TALDO1: variants seen among roughly 807,000 people sequenced by gnomAD.
The protein encoded by TALDO1 is transaldolase 1.
TALDO1 carries 29 observed loss-of-function variants against 38.1 expected under a neutral mutation model. That is an observed-to-expected ratio of 0.76 (90% CI 0.57 to 1.04). The LOEUF (loss-of-function observed/expected upper bound fraction) is 1.04. Ranked by LOEUF, TALDO1 falls within the 50% of genes least tolerant of loss-of-function variation. The pLI is 0.00. For missense variants in TALDO1, 499 were observed against 438.1 expected (o/e 1.14, Z -1.24); for synonymous variants, 207 against 176.8 (o/e 1.17, Z -1.36).
At position 760,224 on chromosome 11, in the gene TALDO1, A is replaced by G. The variant is rs764070790; in HGVS notation, c.432A>G (p.Ser144=). The change falls in exon 4 of 8, where the codon TCA becomes TCG. Residue 144 remains serine (S), a synonymous_variant. Transcript: ENST00000319006. ...ISKDRILIKL[S]STWEGIQAGK... ...AGGACCGAATTCTTATAAAGCTGTC[A>G]TCAACCTGGGAAGGAATTCAGGCTG... is the stretch of plus-strand genomic sequence containing the variant. The G allele has an allele frequency of 6.2e-6, 10 of 1,614,204 alleles. No individual in the cohort carries two copies. Among genetic ancestry groups the G allele is most frequent in the Middle Eastern group, 1.6e-4 (1 of 6,062 alleles).
In TALDO1 at chr11:760,140, T is replaced by TG; in HGVS notation, c.349dup (p.Ala117GlyfsTer79). The TG allele has an allele frequency of 6.2e-7, 1 of 1,614,084 alleles. No homozygotes were observed. The highest frequency in any genetic ancestry group is 8.5e-7 in the Non-Finnish European group (1 of 1,180,000). ...CCTACAGGCTCTCCTTTGATAAAGA[T>TG]GCGATGGTGGCCAGAGCCAGGCGGC... On this transcript the variant is annotated frameshift_variant, in exon 4 of 8. Transcript: ENST00000319006. LOFTEE classifies it high-confidence loss of function.
intron 5 of TALDO1, 57 bp downstream of exon 5, chr11:763,576 C>T (rs1862992997): frequency 7.5e-6 from 12 of 1,605,998 alleles, no homozygotes; most frequent in Non-Finnish European, 1.0e-5. Context: ...GCACCTCAGG[C>T]AGGAAGAGCC....
chr11:760,172 A>G lies in TALDO1; in HGVS notation c.380A>G (p.Glu127Gly), dbSNP rs1172198949. 1.9e-6 allele frequency: 3 copies of G among 1,614,214 alleles called. No homozygotes were observed. The Admixed American group carries it at 5.0e-5, about 27-fold the overall frequency. The change falls in exon 4 of 8, where the codon GAG becomes GGG. Residue 127 changes from glutamate (E) to glycine (G), a missense_variant. Transcript: ENST00000319006. Reference protein sequence around the residue: ...AMVARARRLIELYKEAGISKD... With the variant: ...AMVARARRLIGLYKEAGISKD... ...GTGGCCAGAGCCAGGCGGCTCATCG[A>G]GCTCTACAAGGAAGCTGGGATCAGC...
intron 1 of TALDO1, among the ~76,000 whole-genome samples, chr11:749,788 T>A (rs1425476486): frequency 6.6e-6 from 1 of 152,222 alleles, no homozygotes; most frequent in Non-Finnish European, 1.5e-5. Context: ...AAATGGGCTG[T>A]TTTCAGTGCC....
At chr11:757,319 G>C (rs948209441) in intron 2 of TALDO1, among the ~76,000 whole-genome samples, 1 of 142,632 alleles carries the variant, frequency 7.0e-6, no homozygotes, top group Non-Finnish European at 1.5e-5. Flanking sequence ...TTGAGATAGA[G>C]TTTGGCTCTG....
At chr11:762,264 G>T (rs1387178046) in intron 4 of TALDO1, among the ~76,000 whole-genome samples, 1 of 152,058 alleles carries the variant, frequency 6.6e-6, no homozygotes, top group Non-Finnish European at 1.5e-5. Flanking sequence ...GCACCTGGCC[G>T]GACCATTTGT....
intron 1 of TALDO1, among the ~76,000 whole-genome samples, chr11:750,331 G>GA (rs900002063): frequency 2.7e-5 from 4 of 150,232 alleles, no homozygotes; most frequent in East Asian, 2.0e-4. Flanking sequence ...CAAAAAGGAA[G>GA]AAAAAAAAAT....
intron 4 of TALDO1, chr11:760,466 G>C: frequency 3.0e-6 from 2 of 663,392 alleles, no homozygotes; most frequent in South Asian, 3.7e-5. Flanking sequence ...TCAGAAATGA[G>C]GGATTTCCCA....
At chr11:764,699 CA>C in intron 7 of TALDO1, 113 bp from the exon 8 acceptor site, 2 of 1,547,868 alleles carry the variant, frequency 1.3e-6, no homozygotes, top group Non-Finnish European at 1.8e-6. Flanking sequence ...CCGTGGCCCC[CA>C]CACAGAGTGC....
At chr11:758,868 G>C (rs1862886224) in intron 2 of TALDO1, 82 bp from the exon 3 acceptor site, 1 of 1,109,096 alleles carries the variant, frequency 9.0e-7, no homozygotes, top group Admixed American at 1.8e-5. Context: ...GCCTCCCAAA[G>C]TGCTGGGATT....
intron 4 of TALDO1, 73 bp from the exon 5 acceptor site, chr11:763,271 C>T: frequency 1.0e-5 from 3 of 293,158 alleles, no homozygotes; most frequent in South Asian, 5.0e-5. Context: ...TCACCGTCCC[C>T]GCCCTCACCC....
chr11:747,521 G>A lies in TALDO1; in HGVS notation c.40G>A (p.Ala14Thr), dbSNP rs1862680554. ...CGTGAAGCGTCAGAGGATGGAGTCCGCGCTGGACCAGCTCAAGCAGTTCAC... is the reference window on the plus strand; with the variant it reads ...CGTGAAGCGTCAGAGGATGGAGTCCACGCTGGACCAGCTCAAGCAGTTCAC... ...SPVKRQRMES[A>T]LDQLKQFTTV... Residue 14 changes from alanine (A) to threonine (T), a missense_variant, in exon 1 of 8, where the codon GCG becomes ACG. Ala to Thr is a moderately conservative substitution (Grantham distance 58). Transcript: ENST00000319006. 2 of 1,599,908 alleles carry A rather than the reference G, an allele frequency of 1.3e-6. No individual in the cohort carries two copies. Among genetic ancestry groups the A allele is most frequent in the Non-Finnish European group, 1.7e-6 (2 of 1,174,904 alleles).
Position 763,090 on chromosome 11 carries a change from TAAC to T in TALDO1, c.462-251_462-249del, listed in dbSNP as rs1290602282. 2.0e-5 allele frequency among the ~76,000 whole-genome samples: 3 copies of T among 150,854 alleles called. No individual in the cohort carries two copies. In the East Asian group the frequency reaches 5.8e-4, roughly 29 times the overall value. Reference sequence around the variant, plus strand: ...CCCTCGAGTCTTACCGATTTGTTCTTAACAATGGCATGAGCCTGTTCCTGCCTT... The same window carrying T: ...CCCTCGAGTCTTACCGATTTGTTCTTAATGGCATGAGCCTGTTCCTGCCTT... On this transcript the variant is annotated intron_variant, in intron 4 of 7. Coordinates refer to ENST00000319006, the MANE Select transcript of TALDO1 (RefSeq NM_006755.2).
intron 3 of TALDO1, among the ~76,000 whole-genome samples, chr11:759,348 G>C (rs912642927): frequency 6.6e-6 from 1 of 151,946 alleles, no homozygotes; most frequent in Admixed American, 6.6e-5. Context: ...TGCAACCTCT[G>C]TCTCCCGGCT....
At chr11:751,672 G>A (rs1221420764) in intron 1 of TALDO1, among the ~76,000 whole-genome samples, 3 of 152,140 alleles carry the variant, frequency 2.0e-5, no homozygotes, top group Non-Finnish European at 4.4e-5. Context: ...GCAGGTGCCT[G>A]TAATCCCAGC....
intron 1 of TALDO1, among the ~76,000 whole-genome samples, chr11:753,737 AAAT>A (rs1369078699): frequency 2.6e-5 from 4 of 151,748 alleles, no homozygotes; most frequent in Admixed American, 6.6e-5. Flanking sequence ...AAAAAATAAA[AAAT>A]AAATACAAGT....
At chr11:764,554 T>C in intron 7 of TALDO1, 121 bp downstream of exon 7, 1 of 1,501,542 alleles carries the variant, frequency 6.7e-7, no homozygotes, top group South Asian at 1.2e-5. Flanking sequence ...ATTCACGTGC[T>C]GTCCAGCAAG....
chr11:751,499 A>G (rs1414847938), intron 1 of TALDO1, among the ~76,000 whole-genome samples: 2 of 152,100 alleles, frequency 1.3e-5, no homozygotes, highest in Non-Finnish European at 1.5e-5. Flanking sequence ...GTGAGACCAC[A>G]TCTCTACAAA....
Position 764,949 on chromosome 11 carries a change from A to G in TALDO1, c.*104A>G. The G allele has an allele frequency of 6.7e-6, 10 of 1,493,184 alleles. No homozygotes were observed. The highest frequency in any genetic ancestry group is 7.5e-6 in the Non-Finnish European group (8 of 1,073,302). The allele number at this position is 1,493,184 out of a possible 1,614,324, so 92.5% of individuals were successfully genotyped here. On this transcript the variant is annotated 3_prime_UTR_variant, in exon 8 of 8. Transcript: ENST00000319006. ...GCGTTTTTTACAAATTGGAGCAGGG[A>G]CAGATCATAGATTTCTGATTTTATG...
Sources: allele counts gnomAD v4.1 joint callset (sites outside exome capture counted in the v4.1 genomes callset), GRCh38; gene constraint gnomAD v4.1.1; transcripts MANE v1.5; gene names NCBI Gene and HGNC (gene_info 2026-07-23, HGNC 2026-07-21).